Variants in PEG3 observed in about 807,000 individuals in gnomAD.
PEG3 encodes paternally expressed 3.
A neutral mutation model predicts 35.5 loss-of-function variants in PEG3; 23 were observed. That is an observed-to-expected ratio of 0.65 (90% CI 0.47 to 0.92). PEG3 has a LOEUF of 0.92. Among genes scored for constraint, PEG3 ranks in the 40% least tolerant of loss-of-function variants. The probability of loss-of-function intolerance (pLI) is 0.00; values close to 1 mark genes in which losing one functional copy is unlikely to be tolerated. For synonymous variants in PEG3, 707 were observed against 697.0 expected (o/e 1.01, Z -0.23); for missense variants, 1,960 against 1,985.3 (o/e 0.99, Z 0.24).
Position 56,814,058 on chromosome 19 carries a change from C to T in PEG3, c.4384G>A (p.Glu1462Lys), listed in dbSNP as rs2059742586. 6.2e-7 allele frequency: 1 copy of T among 1,614,052 alleles called. No individual in the cohort carries two copies. Among genetic ancestry groups the T allele is most frequent in the African/African-American group, 1.3e-5 (1 of 74,912 alleles). The change falls in exon 10 of 10, where the codon GAA (glutamate) becomes AAA (lysine). Residue 1462 changes from glutamate to lysine, a missense_variant. Coordinates refer to ENST00000326441, the MANE Select transcript of PEG3 (RefSeq NM_006210.3). The surrounding 1 kb of genome is among the most constrained non-coding windows in gnomAD (Gnocchi z 5.8). ...CCCTCTGGCTCTTCAGCTCTTTCTT[C>T]TGGGTCTTCAATACCTGCACCATCT... ...EPDGAGIEDP[E>K]ERAEEPEGKA...
At chr19:56,840,365 G>A (rs1395582296) in intron 1 of PEG3, among the ~76,000 whole-genome samples, 1 of 152,186 alleles carries the variant, frequency 6.6e-6, no homozygotes, top group East Asian at 1.9e-4. Flanking sequence ...GCCCCAAAAA[G>A]GCACCAACCA....
Position 56,815,203 on chromosome 19 carries a change from C to CCA in PEG3, c.3237_3238dup (p.Gly1080ValfsTer66). The CCA allele has an allele frequency of 6.2e-7, 1 of 1,613,986 alleles. No homozygotes were observed. The highest frequency in any genetic ancestry group is 8.5e-7 in the Non-Finnish European group (1 of 1,179,894). The stretch of plus-strand genomic sequence containing the variant: ...GACAGGGTCTTCAATTGTCTCCTGA[C>CCA]CATGGGTCTCCTCGCTGTGGGTCTC... On this transcript the variant is annotated frameshift_variant, in exon 10 of 10. Coordinates refer to ENST00000326441, the MANE Select transcript of PEG3 (RefSeq NM_006210.3). LOFTEE classifies it low-confidence loss of function (END_TRUNC).
In PEG3 at chr19:56,814,329, GGCTGCTGCT is replaced by G; in HGVS notation, c.4104_4112del (p.Ala1369_Ala1371del). 6.2e-7 allele frequency: 1 copy of G among 1,613,850 alleles called. No homozygotes were observed. The highest frequency in any genetic ancestry group is 8.5e-7 in the Non-Finnish European group (1 of 1,179,898). On this transcript the variant is annotated inframe_deletion, in exon 10 of 10. Coordinates refer to ENST00000326441, the MANE Select transcript of PEG3 (RefSeq NM_006210.3). This position sits in a 1 kb window ranked among gnomAD's most constrained non-coding sequence, Gnocchi z 5.8. ...CATGGACATTGGCTTCAACTTCCTG[GGCTGCTGCT>G]GCTGCAGCTGCTGCTGCTTCATCTT...
rs1434719445 is a variant in PEG3, at chr19:56,816,133, T to C, written c.2309A>G (p.Glu770Gly). The change falls in exon 10 of 10, where the codon GAG becomes GGG. Residue 770 changes from glutamate (E) to glycine (G), a missense_variant. Physicochemically the swap from Glu to Gly is moderately conservative, Grantham distance 98. Coordinates refer to ENST00000326441, the MANE Select transcript of PEG3 (RefSeq NM_006210.3). ...AACAGACCTCTCATATGATTTTGCC[T>C]CATAGACATTTTCCTTAGTGGGAAT... ...QKIPTKENVY[E>G]AKSYERSVIH... 6.2e-7 allele frequency: 1 copy of C among 1,613,684 alleles called. No homozygotes were observed. The highest frequency in any genetic ancestry group is 2.2e-5 in the East Asian group (1 of 44,888).
rs2060122272 is a variant in PEG3 at position 56,817,841 on chromosome 19, G to T, written c.773-6C>A. 1 of 1,612,048 alleles carries T rather than the reference G, an allele frequency of 6.2e-7. No homozygotes were observed. Among genetic ancestry groups the T allele is most frequent in the Admixed American group, 1.7e-5 (1 of 59,908 alleles). On this transcript the variant is annotated splice_region_variant and splice_polypyrimidine_tract_variant and intron_variant, in intron 8 of 9. Coordinates refer to ENST00000326441, the MANE Select transcript of PEG3 (RefSeq NM_006210.3). ...ATCGTCTTCAGCAAGCTGCACTCCT[G>T]GTCACAAGGACAATATGATGCCTCA...
Position 56,811,131 on chromosome 19 carries a change from A to G in PEG3, c.*2544T>C. ...TTCCTCCACTTTTCTGTATTTTCCAAGTGTGTGATAATGAGTTCAAATTAT... is the reference window on the plus strand; with the variant it reads ...TTCCTCCACTTTTCTGTATTTTCCAGGTGTGTGATAATGAGTTCAAATTAT... On this transcript the variant is annotated 3_prime_UTR_variant, in exon 10 of 10. Coordinates refer to ENST00000326441, the MANE Select transcript of PEG3 (RefSeq NM_006210.3). The G allele has an allele frequency of 1.0e-6, 1 of 983,538 alleles. No homozygotes were observed. The highest frequency in any genetic ancestry group is 1.2e-6 in the Non-Finnish European group (1 of 828,220). The allele number at this position is 983,538 out of a possible 1,614,324, so 60.9% of individuals were successfully genotyped here.
At position 56,818,583 on chromosome 19, in the gene PEG3, G is replaced by A; in HGVS notation, c.772+17C>T. The A allele has an allele frequency of 6.2e-7, 1 of 1,613,884 alleles. No homozygotes were observed. On this transcript the variant is annotated intron_variant, in intron 8 of 9. Coordinates refer to ENST00000326441, the MANE Select transcript of PEG3 (RefSeq NM_006210.3). ...CAATGACTGGACTGGGAGTGACTGA[G>A]AGAAGCAGCTGCTTACCGAGGGAGA... is the stretch of plus-strand genomic sequence containing the variant.
Position 56,827,416 on chromosome 19 carries a change from TA to T in PEG3, c.-162-954del, listed in dbSNP as rs552416128. Reference sequence around the variant, plus strand: ...AGTTATTTTTTTAACAGAAAAACCTTAAAAAAAAAAATCAGATCTGAGCTAC... The same window carrying T: ...AGTTATTTTTTTAACAGAAAAACCTTAAAAAAAAAATCAGATCTGAGCTAC... On this transcript the variant is annotated intron_variant, in intron 2 of 9. Coordinates refer to ENST00000326441, the MANE Select transcript of PEG3 (RefSeq NM_006210.3). 7.4e-3 allele frequency among the ~76,000 whole-genome samples: 1,091 copies of T among 147,072 alleles called. 9 individuals carry two copies. The highest frequency in any genetic ancestry group is 0.023 in the African/African-American group (911 of 40,404).
Position 56,822,842 on chromosome 19 carries a change from C to A in PEG3, c.482-6G>T. The A allele has an allele frequency of 1.2e-6, 2 of 1,612,508 alleles. No individual in the cohort carries two copies. Among genetic ancestry groups the A allele is most frequent in the Middle Eastern group, 1.7e-4 (1 of 6,060 alleles). ...CCGGTCCCAGTCCCGGTCACCTAAGCAGGTGAGACATTCCAGTGGTTAACA... is the reference window on the plus strand; with the variant it reads ...CCGGTCCCAGTCCCGGTCACCTAAGAAGGTGAGACATTCCAGTGGTTAACA... On this transcript the variant is annotated splice_region_variant and splice_polypyrimidine_tract_variant and intron_variant, in intron 5 of 9. Coordinates refer to ENST00000326441, the MANE Select transcript of PEG3 (RefSeq NM_006210.3).
rs11392622 is a variant in PEG3 at position 56,812,818 on chromosome 19, TA to T, written c.*856del. On this transcript the variant is annotated 3_prime_UTR_variant, in exon 10 of 10. Coordinates refer to ENST00000326441, the MANE Select transcript of PEG3 (RefSeq NM_006210.3). Reference sequence around the variant, plus strand: ...ATCATCAAACACATATTGAGTTGGTTAAAAAAAAAAAAAACCCAGAACACAA... The same window carrying T: ...ATCATCAAACACATATTGAGTTGGTTAAAAAAAAAAAAACCCAGAACACAA... The T allele has an allele frequency of 8.4e-3, 7,169 of 853,646 alleles. No homozygotes were observed. Among genetic ancestry groups the T allele is most frequent in the Middle Eastern group, 0.012 (20 of 1,668 alleles). The allele number at this position is 853,646 out of a possible 1,614,324, so 52.9% of individuals were successfully genotyped here.
In PEG3 at chr19:56,815,503, T is replaced by C. The variant is rs1344691684; in HGVS notation, c.2939A>G (p.His980Arg). The part of the protein sequence containing the change: ...ECQECGECFA[H>R]SSDLTEHQKI... ...CTGGTGCTCAGTGAGGTCAGAGCTA[T>C]GAGCAAAGCACTCCCCACACTCCTG... Residue 980 changes from histidine (H) to arginine (R), a missense_variant, in exon 10 of 10, where the codon CAT becomes CGT. Physicochemically the swap from His to Arg is conservative, Grantham distance 29. Transcript: ENST00000326441. 3.1e-6 allele frequency: 5 copies of C among 1,614,052 alleles called. No individual in the cohort carries two copies. The Admixed American group carries it at 5.0e-5, about 16-fold the overall frequency.
chr19:56,834,292 G>C (rs1213165239), intron 2 of PEG3, among the ~76,000 whole-genome samples: 2 of 152,026 alleles, frequency 1.3e-5, no homozygotes, highest in East Asian at 3.9e-4. Flanking sequence ...GTTAGATAAG[G>C]GGCTTCCGAT....
chr19:56,814,250 C>G lies in PEG3; in HGVS notation c.4192G>C (p.Glu1398Gln). 3 of 1,613,408 alleles carry G rather than the reference C, an allele frequency of 1.9e-6. No individual in the cohort carries two copies. Among genetic ancestry groups the G allele is most frequent in the Non-Finnish European group, 2.5e-6 (3 of 1,179,882 alleles). ...ACTTCTGGCTCGGCAGCCTCCACTTCTGGCTCAGCAGCCTCTACGTTTAAG... is the reference window on the plus strand; with the variant it reads ...ACTTCTGGCTCGGCAGCCTCCACTTGTGGCTCAGCAGCCTCTACGTTTAAG... ...QGLNVEAAEPEVEAAEPEVEA... is the reference protein window; with the variant it reads ...QGLNVEAAEPQVEAAEPEVEA... The change falls in exon 10 of 10, where the codon GAA becomes CAA. Residue 1398 changes from glutamate (E) to glutamine (Q), a missense_variant. Physicochemically the swap from Glu to Gln is conservative, Grantham distance 29. Coordinates refer to ENST00000326441, the MANE Select transcript of PEG3 (RefSeq NM_006210.3). This position sits in a 1 kb window ranked among gnomAD's most constrained non-coding sequence, Gnocchi z 5.8.
chr19:56,840,273 G>A (rs990937786), intron 1 of PEG3, among the ~76,000 whole-genome samples: 6 of 152,202 alleles, frequency 3.9e-5, no homozygotes, highest in Non-Finnish European at 5.9e-5. Flanking sequence ...TCAGAAAGGC[G>A]CGGAGACCCT....
At chr19:56,831,228 T>C (rs1383205702) in intron 2 of PEG3, among the ~76,000 whole-genome samples, 3 of 152,174 alleles carry the variant, frequency 2.0e-5, no homozygotes, top group African/African-American at 7.2e-5. Flanking sequence ...AGGACAAATA[T>C]ACCACTGGGA....
rs751235428 is a variant in PEG3, at chr19:56,811,242, A to G, written c.*2433T>C. 160 of 960,738 alleles carry G rather than the reference A, an allele frequency of 1.7e-4. No homozygotes were observed. The highest frequency in any genetic ancestry group is 1.8e-4 in the Non-Finnish European group (149 of 807,630). The allele number at this position is 960,738 out of a possible 1,614,324, so 59.5% of individuals were successfully genotyped here. ...AAATTTAAGAAAATAATGCTCAACT[A>G]TAAGCCTACAACAACAACACCACAA... On this transcript the variant is annotated 3_prime_UTR_variant, in exon 10 of 10. Coordinates refer to ENST00000326441, the MANE Select transcript of PEG3 (RefSeq NM_006210.3).
In PEG3 at chr19:56,815,394, T is replaced by C. The variant is rs780379471; in HGVS notation, c.3048A>G (p.Gln1016=). 6.2e-7 allele frequency: 1 copy of C among 1,614,184 alleles called. No homozygotes were observed. Among genetic ancestry groups the C allele is most frequent in the Admixed American group, 1.7e-5 (1 of 60,018 alleles). Residue 1016 remains glutamine, a synonymous_variant, in exon 10 of 10, where the codon CAA becomes CAG. Transcript: ENST00000326441. Reference sequence around the variant, plus strand: ...CATACTGCTCTTGGGCGTAACTTGTTTGAGGGTCAGTAGGGGCCAAGCTGC... The same window carrying C: ...CATACTGCTCTTGGGCGTAACTTGTCTGAGGGTCAGTAGGGGCCAAGCTGC... ...VIRSLAPTDP[Q]TSYAQEQYAK...
In PEG3 at chr19:56,823,578, A is replaced by T. The variant is rs750089780; in HGVS notation, c.481+15T>A. The T allele has an allele frequency of 1.9e-6, 3 of 1,614,034 alleles. No individual in the cohort carries two copies. In the South Asian group the frequency reaches 3.3e-5, roughly 18 times the overall value. On this transcript the variant is annotated intron_variant, in intron 5 of 9. Coordinates refer to ENST00000326441, the MANE Select transcript of PEG3 (RefSeq NM_006210.3). ...GCCTGCCCATGGGTGACCAGTGGGG[A>T]TGGGTACTCACCACTGAAAGAATGG...
At chr19:56,830,145 G>C (rs1176510341) in intron 2 of PEG3, among the ~76,000 whole-genome samples, 1 of 152,126 alleles carries the variant, frequency 6.6e-6, no homozygotes, top group Non-Finnish European at 1.5e-5. Context: ...CTACCGCAAG[G>C]CTCCATGGGC....
Sources: allele counts gnomAD v4.1 joint callset (sites outside exome capture counted in the v4.1 genomes callset), GRCh38; gene constraint gnomAD v4.1.1; non-coding constraint Gnocchi (gnomAD v3.1); transcripts MANE v1.5; gene names NCBI Gene and HGNC (gene_info 2026-07-23, HGNC 2026-07-21).